The following DNAH5 variants were observed in gnomAD, a reference collection of about 807,000 sequenced individuals.
DNAH5 encodes axonemal beta dynein heavy chain 5.
A neutral mutation model predicts 518.2 loss-of-function variants in DNAH5; 372 were observed. That is an observed-to-expected ratio of 0.72 (90% CI 0.66 to 0.78). The LOEUF (loss-of-function observed/expected upper bound fraction) is 0.78. Ranked by LOEUF, DNAH5 falls within the 30% of genes least tolerant of loss-of-function variation. DNAH5 has a pLI of 0.00. For synonymous variants in DNAH5, 2,039 were observed against 2,025.9 expected (o/e 1.01, Z -0.17); for missense variants, 5,523 against 5,687.0 (o/e 0.97, Z 0.93).
rs143679999 is a variant in DNAH5 at position 13,830,609 on chromosome 5, G to C, written c.6049C>G (p.Arg2017Gly). Residue 2017 changes from arginine to glycine, a missense_variant, in exon 36 of 79, where the codon CGG becomes GGG. By Grantham distance (125) the Arg-to-Gly change is moderately radical. Transcript: ENST00000265104. ...SDQMDFRGLG[R>G]IFKGLAQSGS... ...ATATAACCCATACCCTTAAAAATCC[G>C]TCCAAGTCCTCGGAAATCCATCTGG... 3.1e-6 allele frequency: 5 copies of C among 1,614,060 alleles called. No homozygotes were observed. Among genetic ancestry groups the C allele is most frequent in the Non-Finnish European group, 4.2e-6 (5 of 1,180,014 alleles).
chr5:13,701,555 A>G, intron 76 of DNAH5, 119 bp from the exon 77 acceptor site: 4 of 981,272 alleles, frequency 4.1e-6, no homozygotes, highest in Non-Finnish European at 6.2e-6. Flanking sequence ...TAATGAAAAA[A>G]GTCCCTAAGT....
intron 1 of DNAH5, among the ~76,000 whole-genome samples, chr5:13,951,028 A>T (rs985392805): frequency 2.6e-5 from 4 of 152,136 alleles, no homozygotes; most frequent in Non-Finnish European, 2.9e-5. Flanking sequence ...TATTAATGTG[A>T]TGCTTCTTGC....
chr5:13,758,694 C>G, intron 61 of DNAH5, 152 bp downstream of exon 61: 1 of 1,118,282 alleles, frequency 8.9e-7, no homozygotes, highest in Non-Finnish European at 1.3e-6. Context: ...CTTGACTGAC[C>G]ATCCTGTTGT....
Position 13,814,722 on chromosome 5 carries a change from T to G in DNAH5, c.7113A>C (p.Pro2371=), listed in dbSNP as rs768157030. 10 of 1,614,012 alleles carry G rather than the reference T, an allele frequency of 6.2e-6. No homozygotes were observed. Among genetic ancestry groups the G allele is most frequent in the Non-Finnish European group, 8.5e-6 (10 of 1,179,998 alleles). ...GAGGCTCGAAAATGATCTTGCAGTT[T>G]GGAGCCATGGGAATCCGATCACCAT... ...LANGDRIPMA[P]NCKIIFEPHN... The change falls in exon 43 of 79, where the codon CCA becomes CCC. Residue 2371 remains proline (P), a synonymous_variant. Coordinates refer to ENST00000265104, the MANE Select transcript of DNAH5 (RefSeq NM_001369.3).
At chr5:13,981,494 TC>T (rs1384441523) in intron 1 of DNAH5, among the ~76,000 whole-genome samples, 1 of 152,188 alleles carries the variant, frequency 6.6e-6, no homozygotes, top group Non-Finnish European at 1.5e-5. Flanking sequence ...CTGGCCTCTC[TC>T]CCCATCCCTT....
chr5:13,726,262 A>C, intron 70 of DNAH5, among the ~76,000 whole-genome samples: 1 of 152,192 alleles, frequency 6.6e-6, no homozygotes, highest in Non-Finnish European at 1.5e-5. Flanking sequence ...CCTGGGCACT[A>C]TAAGGGCCAT....
intron 1 of DNAH5, among the ~76,000 whole-genome samples, chr5:13,935,902 C>A (rs945577867): frequency 6.6e-6 from 1 of 152,126 alleles, no homozygotes; most frequent in African/African-American, 2.4e-5. Context: ...TTCTGGAGTC[C>A]TACTAAAATT....
rs764142879 is a variant in DNAH5, at chr5:13,866,235, C to T, written c.4101G>A (p.Arg1367=). 3 of 1,613,522 alleles carry T rather than the reference C, an allele frequency of 1.9e-6. No homozygotes were observed. The highest frequency in any genetic ancestry group is 2.7e-5 in the African/African-American group (2 of 74,904). The change falls in exon 26 of 79, where the codon AGG becomes AGA. Residue 1367 remains arginine, a synonymous_variant. Transcript: ENST00000265104. ...AAAAGATTACCTGAAACATGATAAGCCTGTCACTGGCTTCCTGGGGCTTCA... is the reference window on the plus strand; with the variant it reads ...AAAAGATTACCTGAAACATGATAAGTCTGTCACTGGCTTCCTGGGGCTTCA... ...SGLKPQEASD[R]LIMFQNQFDN... is the part of the protein sequence containing the mutation.
chr5:13,894,099 G>A (rs74971601), intron 16 of DNAH5, among the ~76,000 whole-genome samples: 2,058 of 152,148 alleles, frequency 0.014, 47 homozygotes, highest in African/African-American at 0.045. Context: ...CTGAAAAGTC[G>A]TCCAGCAAAG....
At chr5:13,865,021 T>C (rs931072647) in intron 27 of DNAH5, among the ~76,000 whole-genome samples, 1 of 150,556 alleles carries the variant, frequency 6.6e-6, no homozygotes, top group Non-Finnish European at 1.5e-5. Flanking sequence ...TTTTTTTTTT[T>C]TTTTTTGAGA....
At chr5:13,747,675 T>C (rs1487248907) in intron 65 of DNAH5, among the ~76,000 whole-genome samples, 1 of 152,236 alleles carries the variant, frequency 6.6e-6, no homozygotes, top group South Asian at 2.1e-4. Context: ...GTTGGCTGCA[T>C]AAATGTCTTC....
intron 1 of DNAH5, among the ~76,000 whole-genome samples, chr5:13,958,767 A>G (rs1780949324): frequency 6.6e-6 from 1 of 152,252 alleles, no homozygotes; most frequent in Non-Finnish European, 1.5e-5. Context: ...ATGTTTTAAC[A>G]GGAATATACT....
At chr5:13,823,010 T>C (rs1762426148) in intron 40 of DNAH5, among the ~76,000 whole-genome samples, 1 of 152,356 alleles carries the variant, frequency 6.6e-6, no homozygotes, top group East Asian at 1.9e-4. Context: ...TGCTATGGAA[T>C]GGTTTCCACC....
intron 75 of DNAH5, among the ~76,000 whole-genome samples, chr5:13,713,107 G>GTGTATATATATATA (rs70962100): frequency 4.4e-4 from 62 of 139,950 alleles, no homozygotes; most frequent in South Asian, 9.1e-4. Context: ...GTGTGTGTGT[G>GTGTATATATATATA]TATATATATA....
intron 9 of DNAH5, among the ~76,000 whole-genome samples, 160 bp downstream of exon 9, chr5:13,916,188 G>C (rs1333967974): frequency 1.3e-5 from 2 of 151,726 alleles, no homozygotes. Flanking sequence ...ATCAGCCTCT[G>C]ACATCAATTT....
intron 59 of DNAH5, among the ~76,000 whole-genome samples, chr5:13,763,581 T>C (rs1752068582): frequency 6.6e-6 from 1 of 152,188 alleles, no homozygotes; most frequent in African/African-American, 2.4e-5. Flanking sequence ...ATTGGATCTT[T>C]TAAAAGTGGT....
intron 1 of DNAH5, among the ~76,000 whole-genome samples, 197 bp downstream of exon 1, chr5:13,944,185 C>A (rs547628328): frequency 6.6e-6 from 1 of 152,312 alleles, no homozygotes; most frequent in East Asian, 1.9e-4. Flanking sequence ...GCAGAAAAGC[C>A]TACAGATGCA....
At chr5:13,901,978 T>G in intron 13 of DNAH5, 75 bp downstream of exon 13, 3 of 1,069,228 alleles carry the variant, frequency 2.8e-6, no homozygotes, top group Non-Finnish European at 4.1e-6. Context: ...TATGAAATAA[T>G]AATAATAGGA....
rs1389988921 is a variant in DNAH5 at position 13,716,535 on chromosome 5, G to A, written c.12861C>T (p.Tyr4287=). Reference sequence around the variant, plus strand: ...CCACTGTGCTGCATTTTGGAATATTGTATCCTTGGTAAAAACTGAAATCTG... The same window carrying A: ...CCACTGTGCTGCATTTTGGAATATTATATCCTTGGTAAAAACTGAAATCTG... ...FGPDFSFYQG[Y]NIPKCSTVDN... Residue 4287 remains tyrosine (Y), a synonymous_variant, in exon 74 of 79, where the codon TAC becomes TAT. Transcript: ENST00000265104. The A allele has an allele frequency of 1.2e-6, 2 of 1,613,768 alleles. No homozygotes were observed. Among genetic ancestry groups the A allele is most frequent in the African/African-American group, 2.7e-5 (2 of 74,904 alleles).
Sources: gnomAD v4.1 joint callset for allele counts (sites outside exome capture counted in the v4.1 genomes callset) on GRCh38, gnomAD v4.1.1 for gene constraint, MANE v1.5 for transcripts, NCBI Gene and HGNC (gene_info 2026-07-23, HGNC 2026-07-21) for gene names.